The following SLC24A4 variants were observed in gnomAD, a reference collection of about 807,000 sequenced individuals.
SLC24A4 encodes the protein solute carrier family 24 member 4, also known as sodium/potassium/calcium exchanger 4.
Under a neutral mutation model 79.0 loss-of-function variants are expected in SLC24A4, and 53 were observed. That is an observed-to-expected ratio of 0.67 (90% CI 0.54 to 0.84). SLC24A4 has a LOEUF of 0.84. Among genes scored for constraint, SLC24A4 ranks in the 40% least tolerant of loss-of-function variants. SLC24A4 has a pLI of 0.00. For synonymous variants in SLC24A4, 323 were observed against 323.8 expected (o/e 1.00, Z 0.03); for missense variants, 731 against 822.0 (o/e 0.89, Z 1.35).
chr14:92,480,290 T>TTTTTTTTTC (rs1894986553), intron 12 of SLC24A4, among the ~76,000 whole-genome samples: 1 of 80,948 alleles, frequency 1.2e-5, no homozygotes, highest in East Asian at 3.5e-4. Flanking sequence ...CTTTCCCTTT[T>TTTTTTTTTC]TTTTTTTTTT....
chr14:92,387,198 A>T (rs1164572603), intron 2 of SLC24A4, among the ~76,000 whole-genome samples: 10 of 139,406 alleles, frequency 7.2e-5, no homozygotes, highest in African/African-American at 2.8e-4. Context: ...TTTTTTTGAG[A>T]TGGAGTCTCG....
chr14:92,449,376 G>A lies in SLC24A4; in HGVS notation c.880+160G>A, dbSNP rs567079454. Among the ~76,000 whole-genome samples, 6 of 152,076 alleles carry A rather than the reference G, an allele frequency of 3.9e-5. No individual in the cohort carries two copies. The South Asian group carries it at 1.2e-3, about 32-fold the overall frequency. ...GTCACTCTCTTACCTTTGACCACAG[G>A]TGCCCTAAGAGAGGAGGGAGAGTCA... On this transcript the variant is annotated intron_variant, in intron 10 of 16. Coordinates refer to ENST00000532405, the MANE Select transcript of SLC24A4 (RefSeq NM_153646.4).
intron 2 of SLC24A4, among the ~76,000 whole-genome samples, chr14:92,352,119 C>T (rs2141646506): frequency 6.6e-6 from 1 of 152,162 alleles, no homozygotes; most frequent in Admixed American, 6.5e-5. Context: ...AAAAAGGGTC[C>T]TGACCACTAG....
At chr14:92,477,739 A>T (rs12590916) in intron 12 of SLC24A4, among the ~76,000 whole-genome samples, 1 of 151,556 alleles carries the variant, frequency 6.6e-6, no homozygotes, top group South Asian at 2.1e-4. Flanking sequence ...TAGGCATGAG[A>T]CACTGTGCCC....
intron 2 of SLC24A4, among the ~76,000 whole-genome samples, chr14:92,379,022 A>G (rs1888672317): frequency 6.6e-6 from 1 of 152,236 alleles, no homozygotes; most frequent in African/African-American, 2.4e-5. Context: ...TGGTAGGACC[A>G]CTGCACTCCA....
At chr14:92,351,704 G>GAA (rs145029634) in intron 2 of SLC24A4, among the ~76,000 whole-genome samples, 2 of 149,268 alleles carry the variant, frequency 1.3e-5, no homozygotes, top group African/African-American at 4.9e-5. Context: ...TAAAAATACT[G>GAA]AAAAAAAAAA....
chr14:92,363,343 A>T (rs1333872788), intron 2 of SLC24A4, among the ~76,000 whole-genome samples: 1 of 152,220 alleles, frequency 6.6e-6, no homozygotes, highest in Non-Finnish European at 1.5e-5. Context: ...ATTCACCCCC[A>T]TGCCGTCCCA....
intron 2 of SLC24A4, among the ~76,000 whole-genome samples, chr14:92,348,280 G>A (rs1446263586): frequency 6.6e-6 from 1 of 152,202 alleles, no homozygotes; most frequent in Non-Finnish European, 1.5e-5. Flanking sequence ...AAAGCACTTG[G>A]CATGGTGCCT....
At chr14:92,382,197 C>T (rs564319863) in intron 2 of SLC24A4, among the ~76,000 whole-genome samples, 59 of 151,886 alleles carry the variant, frequency 3.9e-4, no homozygotes, top group African/African-American at 1.4e-3. Flanking sequence ...TGTATACATG[C>T]GCCTGGGTTA....
chr14:92,386,171 G>A (rs1595199089), intron 2 of SLC24A4, among the ~76,000 whole-genome samples: 2 of 152,082 alleles, frequency 1.3e-5, no homozygotes, highest in South Asian at 2.1e-4. Flanking sequence ...TTCCCCTTTC[G>A]ATAGGTGGTT....
intron 2 of SLC24A4, among the ~76,000 whole-genome samples, chr14:92,333,297 G>A (rs975773923): frequency 2.0e-5 from 3 of 152,110 alleles, no homozygotes; most frequent in South Asian, 4.1e-4. Flanking sequence ...GTTTTGCCAT[G>A]TTGGCCAGCC....
chr14:92,332,702 T>C (rs1163234810), intron 2 of SLC24A4, among the ~76,000 whole-genome samples: 1 of 152,232 alleles, frequency 6.6e-6, no homozygotes, highest in South Asian at 2.1e-4. Context: ...TAAATACCCA[T>C]CAGCACTTAA....
chr14:92,381,441 G>A (rs529013201), intron 2 of SLC24A4, among the ~76,000 whole-genome samples: 17 of 152,298 alleles, frequency 1.1e-4, no homozygotes, highest in Admixed American at 2.6e-4. Context: ...GGACGGTGGG[G>A]AAAGGGGAGG....
chr14:92,390,886 A>C (rs1449264716), intron 2 of SLC24A4, among the ~76,000 whole-genome samples: 1 of 152,204 alleles, frequency 6.6e-6, no homozygotes, highest in African/African-American at 2.4e-5. Context: ...ATAAAGGTTT[A>C]CGCCTCATTT....
At chr14:92,436,876 G>T (rs1281901532) in intron 3 of SLC24A4, among the ~76,000 whole-genome samples, 1 of 152,102 alleles carries the variant, frequency 6.6e-6, no homozygotes, top group African/African-American at 2.4e-5. Context: ...TCCCCCACCT[G>T]CCTTCTCCCC....
chr14:92,470,487 A>T (rs1894381202), intron 12 of SLC24A4, among the ~76,000 whole-genome samples: 1 of 152,140 alleles, frequency 6.6e-6, no homozygotes, highest in Non-Finnish European at 1.5e-5. Context: ...TTTTTTCTCC[A>T]GTCTGATTAG....
chr14:92,388,191 C>T (rs916536947), intron 2 of SLC24A4, among the ~76,000 whole-genome samples: 14 of 152,204 alleles, frequency 9.2e-5, no homozygotes, highest in African/African-American at 3.1e-4. Flanking sequence ...CTCCCAGCCT[C>T]CCCTTGGCAT....
In SLC24A4 at chr14:92,493,568, A is replaced by G; in HGVS notation, c.1809A>G (p.Ile603Met). Residue 603 changes from isoleucine to methionine, a missense_variant, in exon 17 of 17, where the codon ATA becomes ATG. Physicochemically the swap from Ile to Met is conservative, Grantham distance 10. Coordinates refer to ENST00000532405, the MANE Select transcript of SLC24A4 (RefSeq NM_153646.4). ...ACGCCATCTTCTTGTGCTTCTCCAT[A>G]ATGATAGAGTTTAACGTCTTTACCT... The part of the protein sequence containing the change: ...VLYAIFLCFS[I>M]MIEFNVFTFV... 6.2e-7 allele frequency: 1 copy of G among 1,614,060 alleles called. No homozygotes were observed. The highest frequency in any genetic ancestry group is 8.5e-7 in the Non-Finnish European group (1 of 1,180,010).
At chr14:92,326,031 G>A (rs1465571881) in intron 2 of SLC24A4, 53 bp downstream of exon 2, 2 of 1,319,254 alleles carry the variant, frequency 1.5e-6, no homozygotes, top group Non-Finnish European at 2.2e-6. Flanking sequence ...GGCCTGGCCT[G>A]GAGATGGCGC....
Sources: gnomAD v4.1 joint callset for allele counts (sites outside exome capture counted in the v4.1 genomes callset) on GRCh38, gnomAD v4.1.1 for gene constraint, MANE v1.5 for transcripts, NCBI Gene and HGNC (gene_info 2026-07-23, HGNC 2026-07-21) for gene names.